The following HERC3 variants were observed in gnomAD, a reference collection of about 807,000 sequenced individuals.
HERC3 encodes the protein HECT and RLD domain containing E3 ubiquitin protein ligase 3.
In HERC3, 58 loss-of-function variants were observed where a neutral mutation model predicts 129.9. That is an observed-to-expected ratio of 0.45 (90% CI 0.36 to 0.56). The LOEUF (loss-of-function observed/expected upper bound fraction) is 0.56, where lower values mean the gene tolerates loss of function less well. Ranked by LOEUF, HERC3 falls within the 20% of genes least tolerant of loss-of-function variation. The probability of loss-of-function intolerance (pLI) is 0.00; values close to 1 mark genes in which losing one functional copy is unlikely to be tolerated. For missense variants in HERC3, 835 were observed against 1,244.2 expected (o/e 0.67, Z 4.95); for synonymous variants, 430 against 451.0 (o/e 0.95, Z 0.59).
chr4:88,603,652 A>G (rs560051388), intron 2 of HERC3, among the ~76,000 whole-genome samples: 1 of 152,356 alleles, frequency 6.6e-6, no homozygotes, highest in East Asian at 1.9e-4. Flanking sequence ...TTTCCTTGAC[A>G]GAAGATCCAC....
In HERC3 at chr4:88,592,582, G is replaced by A. The variant is rs1721801018; in HGVS notation, c.-88+8G>A. The A allele has an allele frequency of 6.6e-6, 1 of 152,460 alleles. No homozygotes were observed. Among genetic ancestry groups the A allele is most frequent in the Admixed American group, 6.5e-5 (1 of 15,294 alleles). 9.4% of individuals were successfully genotyped at this position (152,460 alleles called of 1,614,324 possible). The stretch of plus-strand genomic sequence containing the variant: ...GGTTCGGCTGCTGCCGAGGTGCGCA[G>A]GGCGGGGGCCGGGGTTCCAGGGAGG... On this transcript the variant is annotated splice_region_variant and intron_variant, in intron 1 of 25. Transcript: ENST00000402738.
chr4:88,591,974 G>A (rs1384653899), upstream of HERC3, among the ~76,000 whole-genome samples: 1 of 151,840 alleles, frequency 6.6e-6, no homozygotes, highest in Non-Finnish European at 1.5e-5. Flanking sequence ...CTCTCCCACC[G>A]CGCAGCGCCG....
chr4:88,641,219 AAG>A (rs1193592691), intron 3 of HERC3, among the ~76,000 whole-genome samples: 1 of 152,240 alleles, frequency 6.6e-6, no homozygotes, highest in East Asian at 1.9e-4. Context: ...CAATGAGTCA[AAG>A]AGGAAGTCTC....
intron 11 of HERC3, among the ~76,000 whole-genome samples, chr4:88,663,041 A>T (rs1234193268): frequency 1.3e-5 from 2 of 151,474 alleles, no homozygotes; most frequent in Non-Finnish European, 2.9e-5. Context: ...GAGAGCTTTT[A>T]TCAAATTTAA....
chr4:88,547,137 A>G, the HERC3 span, among the ~76,000 whole-genome samples: 10 of 152,214 alleles, frequency 6.6e-5, no homozygotes, highest in African/African-American at 2.4e-4. Flanking sequence ...ATGAAATGGT[A>G]GACAGCTTTA....
intron 16 of HERC3, among the ~76,000 whole-genome samples, chr4:88,671,755 C>T (rs748313281): frequency 2.0e-5 from 3 of 152,046 alleles, no homozygotes; most frequent in Non-Finnish European, 4.4e-5. Flanking sequence ...AACTCATGAG[C>T]TCAAGTGATT....
chr4:88,565,724 A>G, the HERC3 span, among the ~76,000 whole-genome samples: 1 of 152,044 alleles, frequency 6.6e-6, no homozygotes, highest in Non-Finnish European at 1.5e-5. Context: ...TTTACATTCA[A>G]TATTATTGAT....
At chr4:88,687,430 G>A (rs1733598300) in intron 23 of HERC3, 131 bp downstream of exon 23, 2 of 419,624 alleles carry the variant, frequency 4.8e-6, no homozygotes, top group East Asian at 3.9e-5. Flanking sequence ...GGGTGATAGG[G>A]CAATAATTTA....
intron 2 of HERC3, among the ~76,000 whole-genome samples, chr4:88,605,121 T>C (rs1723482674): frequency 1.3e-5 from 2 of 152,106 alleles, no homozygotes; most frequent in African/African-American, 4.8e-5. Flanking sequence ...TATAAAGATA[T>C]AAAGAGAAAG....
intron 3 of HERC3, among the ~76,000 whole-genome samples, chr4:88,617,501 G>A (rs887209029): frequency 6.6e-6 from 1 of 152,186 alleles, no homozygotes; most frequent in African/African-American, 2.4e-5. Flanking sequence ...TGATCATGAT[G>A]AAATTAAGTA....
chr4:88,573,127 T>C, the HERC3 span, among the ~76,000 whole-genome samples: 3 of 152,208 alleles, frequency 2.0e-5, no homozygotes, highest in Non-Finnish European at 4.4e-5. Flanking sequence ...AAAAACTAAT[T>C]AAGACTGCTT....
chr4:88,611,430 C>A (rs79383200), intron 3 of HERC3, among the ~76,000 whole-genome samples: 1 of 152,126 alleles, frequency 6.6e-6, no homozygotes, highest in Non-Finnish European at 1.5e-5. Flanking sequence ...AGGAATGCTA[C>A]CCCCAAGTAG....
intron 23 of HERC3, chr4:88,696,998 ATTTATT>A (rs1317435099): frequency 4.2e-6 from 2 of 471,580 alleles, no homozygotes; most frequent in Non-Finnish European, 7.4e-6. Flanking sequence ...CTTTTGATAT[ATTTATT>A]ATGTTCAAAA....
chr4:88,660,183 G>A (rs533679593), intron 10 of HERC3, among the ~76,000 whole-genome samples: 2 of 151,946 alleles, frequency 1.3e-5, no homozygotes, highest in South Asian at 4.1e-4. Flanking sequence ...CCAAGAAAAA[G>A]CACCTGTATA....
chr4:88,620,463 T>G (rs755933808), intron 3 of HERC3, among the ~76,000 whole-genome samples: 49 of 152,310 alleles, frequency 3.2e-4, no homozygotes, highest in Non-Finnish European at 5.0e-4. Flanking sequence ...TTGTCTTGTC[T>G]TCTTCTCTCA....
intron 3 of HERC3, among the ~76,000 whole-genome samples, chr4:88,646,375 C>T (rs1029951996): frequency 1.3e-5 from 2 of 152,212 alleles, no homozygotes; most frequent in Non-Finnish European, 2.9e-5. Context: ...GGCAGACTTG[C>T]TGTAAGCAGC....
chr4:88,697,459 T>C (rs1383943583), intron 23 of HERC3: 2 of 1,614,156 alleles, frequency 1.2e-6, no homozygotes. Flanking sequence ...AAATTCCTTA[T>C]CAAATTTGGC....
At chr4:88,595,964 C>T (rs982022757) in intron 2 of HERC3, among the ~76,000 whole-genome samples, 11 of 151,142 alleles carry the variant, frequency 7.3e-5, no homozygotes, top group Non-Finnish European at 1.6e-4. Flanking sequence ...ATTCTCCTGC[C>T]TCAGCCTCCC....
chr4:88,621,682 C>G (rs1224552497), intron 3 of HERC3, among the ~76,000 whole-genome samples: 1 of 152,160 alleles, frequency 6.6e-6, no homozygotes, highest in Non-Finnish European at 1.5e-5. Flanking sequence ...GAAAGGTCAC[C>G]CCTAGAAATT....
Sources: gnomAD v4.1 joint callset for allele counts (sites outside exome capture counted in the v4.1 genomes callset) on GRCh38, gnomAD v4.1.1 for gene constraint, MANE v1.5 for transcripts, NCBI Gene and HGNC (gene_info 2026-07-23, HGNC 2026-07-21) for gene names.